Variants in SYTL5 observed in about 807,000 individuals in gnomAD.
SYTL5 encodes the protein synaptotagmin-like protein 5.
A neutral mutation model predicts 55.9 loss-of-function variants in SYTL5; 34 were observed. That is an observed-to-expected ratio of 0.61 (90% confidence interval 0.46 to 0.81). The LOEUF is 0.81. Ranked by LOEUF, SYTL5 falls within the 30% of genes least tolerant of loss-of-function variation. The pLI is 0.00. For synonymous variants in SYTL5, 221 were observed against 188.7 expected (o/e 1.17, Z -1.40); for missense variants, 637 against 546.7 (o/e 1.17, Z -1.65).
chrX:37,968,412 C>G, the SYTL5 span, among the ~76,000 whole-genome samples: 1 of 111,279 alleles, frequency 9.0e-6, no homozygotes, highest in Admixed American at 9.5e-5. Context: ...TTTACCTTTT[C>G]TGGTGAAAAG....
intron 1 of SYTL5, among the ~76,000 whole-genome samples, chrX:38,028,044 T>C (rs1934836972): frequency 9.0e-6 from 1 of 110,926 alleles, no homozygotes; most frequent in Admixed American, 9.6e-5. Flanking sequence ...CAGGCTGGTT[T>C]CAAACTCCTG....
upstream of SYTL5, among the ~76,000 whole-genome samples, chrX:38,002,835 T>C (rs1324721243): frequency 8.9e-6 from 1 of 111,987 alleles, no homozygotes; most frequent in Non-Finnish European, 1.9e-5. Context: ...ACTCTGATGG[T>C]AGTTTTCTTT....
intron 6 of SYTL5, among the ~76,000 whole-genome samples, chrX:38,080,421 G>A (rs765354514): frequency 1.8e-5 from 2 of 111,127 alleles, no homozygotes; most frequent in East Asian, 5.6e-4. Context: ...TCATCTTTCT[G>A]CCCTCCCACT....
At position 38,125,421 on chromosome X, in the gene SYTL5, T is replaced by A. The variant is rs769603310; in HGVS notation, c.1965T>A (p.Asn655Lys). 2.5e-6 allele frequency: 3 copies of A among 1,209,658 alleles called. No homozygotes were observed. The African/African-American group carries it at 5.2e-5, about 21-fold the overall frequency. Reference sequence around the variant, plus strand: ...GCATCCATCCCCAGGATATAAAGAATGTTTGCCTAGAACTTACTATCTGGG... The same window carrying A: ...GCATCCATCCCCAGGATATAAAGAAAGTTTGCCTAGAACTTACTATCTGGG... ...FSGIHPQDIK[N>K]VCLELTIWDK... The change falls in exon 16 of 17, where the codon AAT becomes AAA. Residue 655 changes from asparagine to lysine, a missense_variant. By Grantham distance (94) the Asn-to-Lys change is moderately conservative. Transcript: ENST00000297875.
intron 3 of SYTL5, among the ~76,000 whole-genome samples, chrX:38,067,254 T>C (rs1251397231): frequency 9.0e-6 from 1 of 111,293 alleles, no homozygotes; most frequent in Non-Finnish European, 1.9e-5. Flanking sequence ...GCTCTAAGCA[T>C]GCATGGTAAA....
chrX:37,898,838 C>G, the SYTL5 span, among the ~76,000 whole-genome samples: 1 of 111,953 alleles, frequency 8.9e-6, no homozygotes, highest in Non-Finnish European at 1.9e-5. Flanking sequence ...GATTATTTCT[C>G]TTTTTTATAG....
chrX:38,069,488 C>T (rs1418891900), intron 3 of SYTL5, among the ~76,000 whole-genome samples: 2 of 111,915 alleles, frequency 1.8e-5, no homozygotes, highest in Admixed American at 9.5e-5. Flanking sequence ...TGACTGTTCA[C>T]GGAAAGCCAT....
At chrX:38,125,638 C>A (rs961730961) in intron 16 of SYTL5, 132 bp downstream of exon 16, 1 of 483,007 alleles carries the variant, frequency 2.1e-6, no homozygotes. Context: ...ACAAATACTT[C>A]ATTCCTTTAG....
chrX:38,064,576 T>C (rs1259854974), intron 3 of SYTL5, among the ~76,000 whole-genome samples: 1 of 111,042 alleles, frequency 9.0e-6, no homozygotes, highest in East Asian at 2.8e-4. Context: ...TATGCTTCCC[T>C]TCATCTCTAA....
At chrX:38,027,582 T>C (rs73463480) in intron 1 of SYTL5, among the ~76,000 whole-genome samples, 25,821 of 111,325 alleles carry the variant, frequency 0.23, 5,327 homozygotes, top group African/African-American at 0.66. Context: ...TCTGTCTAGT[T>C]TTCCATTTGT....
chrX:38,111,573 G>T lies in SYTL5; in HGVS notation c.1596+1091G>T, dbSNP rs973580459. Among the ~76,000 whole-genome samples, 5 of 112,142 alleles carry T rather than the reference G, an allele frequency of 4.5e-5. No individual in the cohort carries two copies. The Admixed American group carries it at 4.7e-4, about 11-fold the overall frequency. ...CTTATCAAAGTCTTGGAATTTCTTGGTCTCTCTTCTTATCTTCATTGGCTT... is the reference window on the plus strand; with the variant it reads ...CTTATCAAAGTCTTGGAATTTCTTGTTCTCTCTTCTTATCTTCATTGGCTT... On this transcript the variant is annotated intron_variant, in intron 13 of 16. Coordinates refer to ENST00000297875, the MANE Select transcript of SYTL5 (RefSeq NM_138780.3).
intron 15 of SYTL5, among the ~76,000 whole-genome samples, chrX:38,123,795 T>C (rs980237172): frequency 8.9e-6 from 1 of 112,101 alleles, no homozygotes; most frequent in Admixed American, 9.5e-5. Context: ...AGCCAATAAC[T>C]TTCCGGTAAA....
chrX:37,890,692 C>T, the SYTL5 span, among the ~76,000 whole-genome samples: 2 of 111,851 alleles, frequency 1.8e-5, no homozygotes, highest in African/African-American at 3.3e-5. Flanking sequence ...TTTTGCTCTG[C>T]GTAAAAATCA....
At chrX:37,952,564 G>C in the SYTL5 span, among the ~76,000 whole-genome samples, 1 of 111,140 alleles carries the variant, frequency 9.0e-6, no homozygotes, top group African/African-American at 3.3e-5. Flanking sequence ...ATTAGCAAAG[G>C]TAACTGGGGT....
At chrX:38,006,032 G>GCACAA (rs1243204720), upstream of SYTL5, among the ~76,000 whole-genome samples, 2 of 112,039 alleles carry the variant, frequency 1.8e-5, no homozygotes, top group Non-Finnish European at 3.8e-5. Flanking sequence ...TACATACATA[G>GCACAA]CACAGTGCTA....
the SYTL5 span, among the ~76,000 whole-genome samples, chrX:37,964,856 G>C: frequency 1.1e-4 from 12 of 110,502 alleles, no homozygotes; most frequent in African/African-American, 3.9e-4. Flanking sequence ...TATCCTTCTA[G>C]TTTATCCAGT....
At chrX:37,899,728 C>T in the SYTL5 span, among the ~76,000 whole-genome samples, 1 of 111,668 alleles carries the variant, frequency 9.0e-6, no homozygotes, top group East Asian at 2.8e-4. Flanking sequence ...CATGCAGCTT[C>T]ATTGTAATTT....
intron 6 of SYTL5, among the ~76,000 whole-genome samples, chrX:38,081,663 G>A (rs1164757186): frequency 8.9e-6 from 1 of 111,837 alleles, no homozygotes; most frequent in Non-Finnish European, 1.9e-5. Context: ...ATGTCATTAA[G>A]CCAGTTGTTA....
At chrX:38,123,583 A>G (rs1369150384) in intron 15 of SYTL5, among the ~76,000 whole-genome samples, 2 of 112,020 alleles carry the variant, frequency 1.8e-5, no homozygotes, top group African/African-American at 3.2e-5. Context: ...TGGATACTGC[A>G]GTTACAATTT....
Sources: gnomAD v4.1 joint callset for allele counts (sites outside exome capture counted in the v4.1 genomes callset) on GRCh38, gnomAD v4.1.1 for gene constraint, MANE v1.5 for transcripts, NCBI Gene and HGNC (gene_info 2026-07-23, HGNC 2026-07-21) for gene names.